Variants in SDK1 observed in about 807,000 individuals in gnomAD.
The protein encoded by SDK1 is protein sidekick-1.
A neutral mutation model predicts 245.5 loss-of-function variants in SDK1; 157 were observed. That is an observed-to-expected ratio of 0.64 (90% CI 0.56 to 0.73). The LOEUF is 0.73. SDK1 is among the 30% of genes least tolerant of loss of function. SDK1 has a pLI of 0.00. For synonymous variants in SDK1, 1,647 were observed against 1,278.5 expected, an observed-to-expected ratio of 1.29 and a Z score of -6.15; for missense variants, 3,583 against 3,002.3, an observed-to-expected ratio of 1.19 and a Z score of -4.52.
intron 22 of SDK1, among the ~76,000 whole-genome samples, chr7:4,106,262 G>A (rs1294132923): frequency 6.6e-6 from 1 of 152,020 alleles, no homozygotes; most frequent in African/African-American, 2.4e-5. Context: ...ATGAAGTGAA[G>A]TGGAGATCAG....
intron 17 of SDK1, among the ~76,000 whole-genome samples, chr7:4,019,446 C>T (rs964494653): frequency 1.3e-5 from 2 of 152,126 alleles, no homozygotes; most frequent in Non-Finnish European, 2.9e-5. Context: ...GCAGGGTTCC[C>T]CTAAGATAGT....
intron 1 of SDK1, among the ~76,000 whole-genome samples, chr7:3,572,003 T>G (rs1052434472): frequency 6.6e-6 from 1 of 152,070 alleles, no homozygotes; most frequent in Admixed American, 6.6e-5. Flanking sequence ...AATCCACTTA[T>G]TGAACATGTA....
chr7:3,451,762 C>A (rs1044612022), intron 1 of SDK1, among the ~76,000 whole-genome samples: 1 of 152,184 alleles, frequency 6.6e-6, no homozygotes, highest in Admixed American at 6.5e-5. Flanking sequence ...CCATTTTGCT[C>A]TCCTTCAAAA....
chr7:3,571,126 T>G (rs973848348), intron 1 of SDK1, among the ~76,000 whole-genome samples: 1 of 151,270 alleles, frequency 6.6e-6, no homozygotes, highest in Admixed American at 6.6e-5. Context: ...CTGCGTTACT[T>G]AATTTAATTT....
At chr7:3,660,967 A>C (rs1413621772) in intron 4 of SDK1, among the ~76,000 whole-genome samples, 1 of 152,200 alleles carries the variant, frequency 6.6e-6, no homozygotes, top group African/African-American at 2.4e-5. Context: ...TAATGAGTGA[A>C]GCAATTTTGA....
intron 13 of SDK1, among the ~76,000 whole-genome samples, chr7:3,975,114 C>T (rs373932818): frequency 9.2e-5 from 14 of 152,260 alleles, no homozygotes; most frequent in East Asian, 1.9e-4. Context: ...GGCGGGAAAC[C>T]GTCAATCTCC....
rs555609174 is a variant in SDK1, at chr7:3,484,702, T to G, written c.299-134378T>G. Among the ~76,000 whole-genome samples the G allele has an allele frequency of 3.9e-5, 6 of 152,284 alleles. No individual in the cohort carries two copies. The South Asian group carries it at 1.2e-3, about 32-fold the overall frequency. ...TAGCCTCTGGGAAACACTGTTGCACTCACTACCTCCACAAGATCGGTTTTT... is the reference window on the plus strand; with the variant it reads ...TAGCCTCTGGGAAACACTGTTGCACGCACTACCTCCACAAGATCGGTTTTT... On this transcript the variant is annotated intron_variant, in intron 1 of 44. Coordinates refer to ENST00000404826, the MANE Select transcript of SDK1 (RefSeq NM_152744.4).
At chr7:4,157,942 G>A (rs1780872824) in intron 30 of SDK1, among the ~76,000 whole-genome samples, 1 of 152,184 alleles carries the variant, frequency 6.6e-6, no homozygotes, top group Admixed American at 6.5e-5. Flanking sequence ...GCTCCAGGAG[G>A]ACGGAGCGTG....
intron 25 of SDK1, among the ~76,000 whole-genome samples, chr7:4,124,389 C>T (rs1019774164): frequency 4.6e-5 from 7 of 152,188 alleles, no homozygotes; most frequent in African/African-American, 9.6e-5. Flanking sequence ...TTCCGTGGCT[C>T]GGACAGCCTC....
chr7:4,127,738 G>A (rs554108432), intron 26 of SDK1, among the ~76,000 whole-genome samples: 6 of 152,344 alleles, frequency 3.9e-5, no homozygotes, highest in South Asian at 2.1e-4. Flanking sequence ...AAGCACAGCC[G>A]GAGTGGAACT....
intron 1 of SDK1, among the ~76,000 whole-genome samples, chr7:3,321,001 TTC>T (rs1779788693): frequency 6.6e-6 from 1 of 152,184 alleles, no homozygotes; most frequent in South Asian, 2.1e-4. Context: ...GAAGCTCAGT[TTC>T]TGTATTTTTC....
At chr7:4,198,094 G>T (rs1032088936) in intron 35 of SDK1, among the ~76,000 whole-genome samples, 3 of 152,204 alleles carry the variant, frequency 2.0e-5, no homozygotes, top group African/African-American at 7.2e-5. Context: ...GTCACTGAGG[G>T]CGTGAAGCCA....
At chr7:4,209,817 ACTCTT>A (rs1562436319) in intron 37 of SDK1, among the ~76,000 whole-genome samples, 1 of 151,300 alleles carries the variant, frequency 6.6e-6, no homozygotes, top group Admixed American at 6.6e-5. Context: ...CATTTTCTCC[ACTCTT>A]CTCAGGAGGG....
intron 1 of SDK1, among the ~76,000 whole-genome samples, chr7:3,467,213 T>C (rs1046228894): frequency 6.6e-5 from 10 of 152,240 alleles, no homozygotes; most frequent in African/African-American, 2.4e-4. Flanking sequence ...TACTTTACAA[T>C]ATTAAAGCAC....
intron 4 of SDK1, among the ~76,000 whole-genome samples, chr7:3,649,403 C>T (rs1043175273): frequency 6.6e-6 from 1 of 151,944 alleles, no homozygotes; most frequent in African/African-American, 2.4e-5. Flanking sequence ...TTCGTGGGCC[C>T]CTCCTGCTGT....
At chr7:3,503,595 A>G (rs1200112182) in intron 1 of SDK1, among the ~76,000 whole-genome samples, 2 of 152,130 alleles carry the variant, frequency 1.3e-5, no homozygotes, top group Admixed American at 6.5e-5. Context: ...GAGGAACACT[A>G]GAGACCAGGG....
At chr7:4,235,031 G>A (rs530814994) in intron 41 of SDK1, among the ~76,000 whole-genome samples, 1 of 152,170 alleles carries the variant, frequency 6.6e-6, no homozygotes, top group Non-Finnish European at 1.5e-5. Context: ...TATGTGCTAT[G>A]AGTTTGGAGG....
chr7:4,032,644 C>T lies in SDK1; in HGVS notation c.2602+15292C>T, dbSNP rs548540534. On this transcript the variant is annotated intron_variant, in intron 17 of 44. Coordinates refer to ENST00000404826, the MANE Select transcript of SDK1 (RefSeq NM_152744.4). ...GCAAACTAGCAAGCTATAAAATCAGCATGAAAAAACAAACCGACTTCATAT... is the reference window on the plus strand; with the variant it reads ...GCAAACTAGCAAGCTATAAAATCAGTATGAAAAAACAAACCGACTTCATAT... Among the ~76,000 whole-genome samples the T allele has an allele frequency of 6.6e-5, 10 of 152,182 alleles. 1 individual carries two copies. Among genetic ancestry groups the T allele is most frequent in the African/African-American group, 2.4e-4 (10 of 41,478 alleles).
chr7:3,562,333 C>G (rs561522514), intron 1 of SDK1, among the ~76,000 whole-genome samples: 4 of 152,176 alleles, frequency 2.6e-5, no homozygotes, highest in Non-Finnish European at 5.9e-5. Flanking sequence ...ATAAAAAGTA[C>G]TTTGGCCTTT....
Sources: gnomAD v4.1 joint callset for allele counts (sites outside exome capture counted in the v4.1 genomes callset) on GRCh38, gnomAD v4.1.1 for gene constraint, MANE v1.5 for transcripts, NCBI Gene and HGNC (gene_info 2026-07-23, HGNC 2026-07-21) for gene names.